Variants in ATAD3B observed in about 807,000 individuals in gnomAD.
ATAD3B encodes the protein ATPase family AAA domain containing 3B.
In ATAD3B, 59 loss-of-function variants were observed where a neutral mutation model predicts 70.2. The observed-to-expected ratio is 0.84, with a 90% CI of 0.68 to 1.04. The LOEUF (loss-of-function observed/expected upper bound fraction) is 1.04. Among genes scored for constraint, ATAD3B ranks in the 50% least tolerant of loss-of-function variants. ATAD3B has a pLI of 0.00. For missense variants in ATAD3B, 961 were observed against 913.4 expected (o/e 1.05, Z -0.67); for synonymous variants, 423 against 388.6 (o/e 1.09, Z -1.04).
Position 1,487,933 on chromosome 1 carries a change from C to T in ATAD3B, c.1266+19C>T, listed in dbSNP as rs1640320475. 9 of 1,612,752 alleles carry T rather than the reference C, an allele frequency of 5.6e-6. No homozygotes were observed. Among genetic ancestry groups the T allele is most frequent in the Middle Eastern group, 1.6e-4 (1 of 6,062 alleles). On this transcript the variant is annotated intron_variant, in intron 12 of 15. Coordinates refer to ENST00000673477, the MANE Select transcript of ATAD3B (RefSeq NM_031921.6). The stretch of plus-strand genomic sequence containing the variant: ...AGCCACTGTGAGTGTCACTAAGCCT[C>T]TGTCTGGCCACAGGAGGGTGGTCGG...
At chr1:1,497,857 T>TTAAAA, downstream of ATAD3B, 1 of 113,646 alleles carries the variant, frequency 8.8e-6, no homozygotes, top group African/African-American at 3.3e-5. Context: ...CAGAACTGTT[T>TTAAAA]AAAAAAAAAA....
At chr1:1,488,076 C>G (rs1640331998) in intron 12 of ATAD3B, among the ~76,000 whole-genome samples, 162 bp downstream of exon 12, 1 of 151,564 alleles carries the variant, frequency 6.6e-6, no homozygotes, top group African/African-American at 2.4e-5. Flanking sequence ...TGCCTCAGCC[C>G]CCTGAGTAGC....
intron 7 of ATAD3B, chr1:1,483,340 G>T (rs568567840): frequency 7.0e-5 from 18 of 256,208 alleles, no homozygotes; most frequent in African/African-American, 3.8e-4. Flanking sequence ...GGTGGCGTGC[G>T]CCTGGAATCC....
intron 4 of ATAD3B, among the ~76,000 whole-genome samples, chr1:1,479,696 C>T (rs1345191296): frequency 6.9e-6 from 1 of 145,294 alleles, no homozygotes; most frequent in African/African-American, 2.6e-5. Flanking sequence ...GGCACACACT[C>T]CCGCATGGGG....
chr1:1,474,205 T>C (rs1427090995), intron 1 of ATAD3B, among the ~76,000 whole-genome samples: 3 of 151,678 alleles, frequency 2.0e-5, no homozygotes, highest in Admixed American at 6.6e-5. Flanking sequence ...TTTTTTCTTT[T>C]TTTTTTTGAC....
chr1:1,488,261 GTTA>G (rs1349474641), intron 12 of ATAD3B, among the ~76,000 whole-genome samples: 1 of 151,888 alleles, frequency 6.6e-6, no homozygotes, highest in Non-Finnish European at 1.5e-5. Context: ...CAGCCATACA[GTTA>G]TTATTTTAAT....
In ATAD3B at chr1:1,482,818, A is replaced by G. The variant is rs369571793; in HGVS notation, c.750+204A>G. 1.3e-4 allele frequency: 92 copies of G among 719,644 alleles called. 2 individuals carry two copies. In the East Asian group the frequency reaches 1.4e-3, roughly 11 times the overall value. 44.6% of individuals were successfully genotyped at this position (719,644 alleles called of 1,614,324 possible). On this transcript the variant is annotated intron_variant, in intron 7 of 15. Transcript: ENST00000673477. ...AAAAATGCAGTTGCCAGCCTGGGCC[A>G]CACGGTGAGACCCCATCTCTACGAA...
chr1:1,508,933 C>A, the ATAD3B span, among the ~76,000 whole-genome samples: 1 of 140,782 alleles, frequency 7.1e-6, no homozygotes, highest in Non-Finnish European at 1.5e-5. Context: ...CTGGGTCGGC[C>A]GTCAGTGAGG....
chr1:1,509,259 C>T, the ATAD3B span: 460 of 1,612,876 alleles, frequency 2.9e-4, 3 homozygotes, highest in Middle Eastern at 9.9e-4. Flanking sequence ...GATGGACACC[C>T]GCGTGCAAGA....
chr1:1,480,886 A>C lies in ATAD3B; in HGVS notation c.464A>C (p.Asn155Thr). The C allele has an allele frequency of 6.3e-7, 1 of 1,593,126 alleles. No homozygotes were observed. Among genetic ancestry groups the C allele is most frequent in the Non-Finnish European group, 8.5e-7 (1 of 1,171,832 alleles). Reference protein sequence around the residue: ...LKQQQLLNEENLRKQEESVQK... With the variant: ...LKQQQLLNEETLRKQEESVQK... ...TCTCAGCAACTTCTCAATGAGGAGA[A>C]TTTACGGAAGCAGGAGGAGTCCGTG... Residue 155 changes from asparagine to threonine, a missense_variant, in exon 5 of 16, where the codon AAT becomes ACT. This residue lies in a region of ATAD3B where 187 missense variants were observed against 244.3 expected (regional missense o/e 0.77). Coordinates refer to ENST00000673477, the MANE Select transcript of ATAD3B (RefSeq NM_031921.6).
chr1:1,495,350 G>A (rs1049310587), intron 15 of ATAD3B, 135 bp from the exon 16 acceptor site: 32 of 1,249,302 alleles, frequency 2.6e-5, no homozygotes, highest in Middle Eastern at 2.5e-4. Context: ...CTGCCAAGGT[G>A]TGGGAAGCCT....
At chr1:1,491,262 G>A (rs546584204) in intron 15 of ATAD3B, among the ~76,000 whole-genome samples, 23 of 152,150 alleles carry the variant, frequency 1.5e-4, no homozygotes, top group African/African-American at 4.8e-4. Context: ...CAGGCCGGGC[G>A]CGGTGGCTCA....
At chr1:1,498,968 C>G (rs1388659506), downstream of ATAD3B, among the ~76,000 whole-genome samples, 1 of 140,746 alleles carries the variant, frequency 7.1e-6, no homozygotes, top group Non-Finnish European at 1.5e-5. Flanking sequence ...TGTGGTTCCT[C>G]TTTTTTTTTT....
Position 1,482,634 on chromosome 1 carries a change from A to T in ATAD3B, c.750+20A>T, listed in dbSNP as rs1346497007. ...GCCACGGTAAACATATTCATAAAACAGGGCTGGCAGGTGGCTGAGAGGCAG... is the reference window on the plus strand; with the variant it reads ...GCCACGGTAAACATATTCATAAAACTGGGCTGGCAGGTGGCTGAGAGGCAG... On this transcript the variant is annotated intron_variant, in intron 7 of 15. Transcript: ENST00000673477. The T allele has an allele frequency of 6.2e-7, 1 of 1,613,294 alleles. No individual in the cohort carries two copies.
the ATAD3B span, chr1:1,509,290 A>G: frequency 6.2e-7 from 1 of 1,612,876 alleles, no homozygotes. Flanking sequence ...CAGCACCAGC[A>G]GATGATGCGC....
chr1:1,488,540 G>A (rs1640359403), intron 12 of ATAD3B, among the ~76,000 whole-genome samples: 1 of 152,050 alleles, frequency 6.6e-6, no homozygotes, highest in South Asian at 2.1e-4. Flanking sequence ...GCAGGTGGAT[G>A]ACGAGGTCAG....
At position 1,490,689 on chromosome 1, in the gene ATAD3B, A is replaced by T. The variant is rs1320443401; in HGVS notation, c.1614+18A>T. On this transcript the variant is annotated intron_variant, in intron 15 of 15. Transcript: ENST00000673477. ...CCTGGCAGGTGAGTCAGGCTCCGGC[A>T]CGTCCACCCAGACGGGACCCCAGCT... 1 of 1,558,882 alleles carries T rather than the reference A, an allele frequency of 6.4e-7. No homozygotes were observed. The highest frequency in any genetic ancestry group is 1.9e-5 in the Admixed American group (1 of 51,370).
downstream of ATAD3B, among the ~76,000 whole-genome samples, chr1:1,498,586 T>C (rs1417879321): frequency 6.6e-6 from 1 of 151,940 alleles, no homozygotes; most frequent in Non-Finnish European, 1.5e-5. Context: ...CTCCTATTTT[T>C]TGGTACAGAC....
intron 15 of ATAD3B, among the ~76,000 whole-genome samples, chr1:1,493,516 C>T (rs1234854930): frequency 6.6e-6 from 1 of 151,834 alleles, no homozygotes; most frequent in Non-Finnish European, 1.5e-5. Context: ...AGGGTTTCAC[C>T]ATGTTGGCCA....
Sources: gnomAD v4.1 joint callset for allele counts (sites outside exome capture counted in the v4.1 genomes callset) on GRCh38, gnomAD v4.1.1 for gene constraint, gnomAD v4.1.1 regional missense constraint, MANE v1.5 for transcripts, NCBI Gene and HGNC (gene_info 2026-07-23, HGNC 2026-07-21) for gene names.